The following ASXL1 variants were observed in gnomAD, a reference collection of about 807,000 sequenced individuals.
The protein encoded by ASXL1 is polycomb group protein ASXL1.
A neutral mutation model predicts 89.1 loss-of-function variants in ASXL1; 65 were observed. That is an observed-to-expected ratio of 0.73 (90% CI 0.60 to 0.90). The LOEUF (loss-of-function observed/expected upper bound fraction) is 0.90, where lower values mean the gene tolerates loss of function less well. ASXL1 is among the 40% of genes least tolerant of loss of function. ASXL1 has a pLI of 0.00. For synonymous variants in ASXL1, 739 were observed against 746.9 expected, an observed-to-expected ratio of 0.99 and a Z score of 0.17; for missense variants, 1,786 against 1,942.9, an observed-to-expected ratio of 0.92 and a Z score of 1.52.
At chr20:32,373,664 C>T (rs1163289577) in intron 4 of ASXL1, among the ~76,000 whole-genome samples, 1 of 151,928 alleles carries the variant, frequency 6.6e-6, no homozygotes, top group Non-Finnish European at 1.5e-5. Flanking sequence ...GTCAGGAGTT[C>T]GAGACCAGCC....
At chr20:32,364,921 A>G (rs1258957291) in intron 1 of ASXL1, among the ~76,000 whole-genome samples, 1 of 152,186 alleles carries the variant, frequency 6.6e-6, no homozygotes, top group Non-Finnish European at 1.5e-5. Context: ...ATGGAGGGAT[A>G]AATATTAAGA....
chr20:32,383,924 T>C (rs937795503), intron 4 of ASXL1, among the ~76,000 whole-genome samples: 1 of 152,172 alleles, frequency 6.6e-6, no homozygotes, highest in African/African-American at 2.4e-5. Flanking sequence ...CTAAGGCATC[T>C]TTCCTCCATC....
chr20:32,410,816 G>A (rs2049029126), intron 4 of ASXL1, among the ~76,000 whole-genome samples: 1 of 152,078 alleles, frequency 6.6e-6, no homozygotes, highest in African/African-American at 2.4e-5. Flanking sequence ...ATCATTTGAT[G>A]TCAGGAGTTT....
chr20:32,367,414 C>G (rs2048224233), intron 2 of ASXL1, among the ~76,000 whole-genome samples: 1 of 152,074 alleles, frequency 6.6e-6, no homozygotes, highest in Admixed American at 6.6e-5. Flanking sequence ...AAAGAAAGTA[C>G]TTAAATGAGG....
chr20:32,382,463 C>T (rs1480423024), intron 4 of ASXL1, among the ~76,000 whole-genome samples: 4 of 151,926 alleles, frequency 2.6e-5, no homozygotes, highest in African/African-American at 9.7e-5. Context: ...GAGTTTTGAA[C>T]TTTGATCATC....
chr20:32,420,003 G>T (rs1004965804), intron 4 of ASXL1, among the ~76,000 whole-genome samples: 7 of 150,674 alleles, frequency 4.6e-5, no homozygotes, highest in African/African-American at 1.7e-4. Context: ...TCTAATTGAT[G>T]ATGTTAATTG....
chr20:32,378,014 G>A (rs977943771), intron 4 of ASXL1, among the ~76,000 whole-genome samples: 7 of 145,288 alleles, frequency 4.8e-5, no homozygotes, highest in Non-Finnish European at 3.0e-5. Context: ...TTTGGAGACA[G>A]AGTCTCACTC....
intron 4 of ASXL1, among the ~76,000 whole-genome samples, chr20:32,393,134 A>G (rs956789760): frequency 6.6e-6 from 1 of 152,116 alleles, no homozygotes; most frequent in African/African-American, 2.4e-5. Flanking sequence ...TGTTCTATCA[A>G]TTATAGAGAG....
At chr20:32,360,384 G>T (rs2048089977) in intron 1 of ASXL1, 1 of 153,758 alleles carries the variant, frequency 6.5e-6, no homozygotes, top group Admixed American at 6.4e-5. Flanking sequence ...TCAGGATCTT[G>T]TAGAAATTTC....
chr20:32,401,542 G>GTTTT (rs778883057), intron 4 of ASXL1, among the ~76,000 whole-genome samples: 1 of 40,128 alleles, frequency 2.5e-5, no homozygotes, highest in African/African-American at 8.1e-5. Flanking sequence ...GTGTGTGTGT[G>GTTTT]TGTTTTTTCC....
intron 4 of ASXL1, among the ~76,000 whole-genome samples, chr20:32,418,659 TAAAAAG>T (rs1224579208): frequency 6.6e-6 from 1 of 152,122 alleles, no homozygotes; most frequent in African/African-American, 2.4e-5. Flanking sequence ...TAAAACTTTC[TAAAAAG>T]CAACTCCTCT....
chr20:32,404,698 A>G (rs1600532820), intron 4 of ASXL1, among the ~76,000 whole-genome samples: 3 of 152,126 alleles, frequency 2.0e-5, no homozygotes, highest in South Asian at 4.1e-4. Context: ...CTTAGTGTGG[A>G]CATTCTTGCC....
chr20:32,429,072 A>G lies in ASXL1; in HGVS notation c.472-266A>G, dbSNP rs2011435256. 4.2e-6 allele frequency: 2 copies of G among 473,842 alleles called. No homozygotes were observed. The highest frequency in any genetic ancestry group is 4.1e-5 in the East Asian group (1 of 24,138). 29.4% of individuals were successfully genotyped at this position (473,842 alleles called of 1,614,324 possible). Reference sequence around the variant, plus strand: ...TGAGCAGTTTGAATGATAACCCTGCACTTACTAGCCTTGAGACTTGGGGAA... The same window carrying G: ...TGAGCAGTTTGAATGATAACCCTGCGCTTACTAGCCTTGAGACTTGGGGAA... On this transcript the variant is annotated intron_variant, in intron 6 of 12. Coordinates refer to ENST00000375687, the MANE Select transcript of ASXL1 (RefSeq NM_015338.6). This position sits in a 1 kb window ranked among gnomAD's most constrained non-coding sequence, Gnocchi z 4.9.
At chr20:32,362,427 G>A (rs1255074289) in intron 1 of ASXL1, among the ~76,000 whole-genome samples, 92 of 152,226 alleles carry the variant, frequency 6.0e-4, no homozygotes, top group African/African-American at 2.1e-3. Context: ...ACGAGGTCAG[G>A]AGATCGAGAC....
intron 4 of ASXL1, among the ~76,000 whole-genome samples, chr20:32,376,702 T>G (rs1381628597): frequency 1.3e-5 from 2 of 151,552 alleles, no homozygotes; most frequent in Non-Finnish European, 2.9e-5. Context: ...ACGTGCAGAA[T>G]GGCTTGTTAA....
chr20:32,383,488 T>A (rs560601018), intron 4 of ASXL1, among the ~76,000 whole-genome samples: 1 of 152,214 alleles, frequency 6.6e-6, no homozygotes, highest in East Asian at 1.9e-4. Context: ...TTTGTATTTT[T>A]AATAGAGACG....
intron 4 of ASXL1, among the ~76,000 whole-genome samples, chr20:32,406,093 T>C (rs1159656488): frequency 6.6e-6 from 1 of 152,202 alleles, no homozygotes; most frequent in Non-Finnish European, 1.5e-5. Flanking sequence ...AAGGAATATA[T>C]GGGTATATTT....
intron 4 of ASXL1, among the ~76,000 whole-genome samples, chr20:32,402,701 T>C (rs2048895633): frequency 6.6e-6 from 1 of 152,230 alleles, no homozygotes; most frequent in Non-Finnish European, 1.5e-5. Context: ...ATTTCCGTAG[T>C]GGCTAATGAT....
At chr20:32,382,552 A>C (rs2048505215) in intron 4 of ASXL1, among the ~76,000 whole-genome samples, 1 of 148,818 alleles carries the variant, frequency 6.7e-6, no homozygotes. Context: ...TCAGGAAGTC[A>C]CTTGAGCCCA....
Sources: gnomAD v4.1 joint callset for allele counts (sites outside exome capture counted in the v4.1 genomes callset) on GRCh38, gnomAD v4.1.1 for gene constraint, Gnocchi (gnomAD v3.1) non-coding constraint, MANE v1.5 for transcripts, NCBI Gene and HGNC (gene_info 2026-07-23, HGNC 2026-07-21) for gene names.